The following IL20RB variants were observed in gnomAD, a reference collection of about 807,000 sequenced individuals.
The protein encoded by IL20RB is interleukin-20 receptor subunit beta.
IL20RB carries 21 observed loss-of-function variants against 33.3 expected under a neutral mutation model. The observed-to-expected ratio is 0.63, with a 90% CI of 0.45 to 0.91. The LOEUF (loss-of-function observed/expected upper bound fraction) is 0.91, where lower values mean the gene tolerates loss of function less well. IL20RB is among the 40% of genes least tolerant of loss of function. IL20RB has a pLI of 0.00. For synonymous variants in IL20RB, 147 were observed against 146.8 expected (o/e 1.00, Z -0.01); for missense variants, 345 against 384.8 (o/e 0.90, Z 0.86).
At chr3:136,987,256 A>T (rs1941924968) in intron 3 of IL20RB, among the ~76,000 whole-genome samples, 1 of 152,120 alleles carries the variant, frequency 6.6e-6, no homozygotes, top group Non-Finnish European at 1.5e-5. Context: ...ACAATCCCTG[A>T]GCTAGACACA....
chr3:136,996,893 C>T (rs772704315), intron 6 of IL20RB, among the ~76,000 whole-genome samples: 2 of 152,248 alleles, frequency 1.3e-5, no homozygotes, highest in Non-Finnish European at 1.5e-5. Context: ...TTAGCAAGAA[C>T]GTGAGGGTCT....
intron 1 of IL20RB, among the ~76,000 whole-genome samples, chr3:136,977,274 A>G (rs1941642596): frequency 1.3e-5 from 2 of 152,174 alleles, no homozygotes. Context: ...AAACTTATCT[A>G]TATTAACAAA....
At chr3:136,966,235 C>T (rs1240777664) in intron 1 of IL20RB, among the ~76,000 whole-genome samples, 1 of 134,610 alleles carries the variant, frequency 7.4e-6, no homozygotes, top group African/African-American at 3.0e-5. Flanking sequence ...AGGATTCCCT[C>T]TTTTTCTATT....
chr3:137,005,188 T>G (rs1401577850), intron 6 of IL20RB, among the ~76,000 whole-genome samples: 2 of 152,220 alleles, frequency 1.3e-5, no homozygotes, highest in African/African-American at 4.8e-5. Flanking sequence ...CTTCCATTTA[T>G]GTGGTCAATT....
At chr3:137,003,886 T>G (rs1942296829) in intron 6 of IL20RB, among the ~76,000 whole-genome samples, 1 of 152,202 alleles carries the variant, frequency 6.6e-6, no homozygotes, top group South Asian at 2.1e-4. Context: ...CAGTATGATA[T>G]TGGGTGTGGG....
chr3:137,006,673 T>C (rs1477278178), intron 6 of IL20RB, among the ~76,000 whole-genome samples: 2 of 152,314 alleles, frequency 1.3e-5, no homozygotes, highest in East Asian at 1.9e-4. Context: ...ATTTGTCTAA[T>C]CTTTTTTCAA....
At chr3:136,963,442 C>T (rs1326535028) in intron 1 of IL20RB, among the ~76,000 whole-genome samples, 7 of 152,146 alleles carry the variant, frequency 4.6e-5, no homozygotes, top group African/African-American at 1.7e-4. Context: ...TGTATCCTTG[C>T]CAGCATTTAG....
chr3:136,973,754 G>A (rs1941548464), intron 1 of IL20RB, among the ~76,000 whole-genome samples: 1 of 152,040 alleles, frequency 6.6e-6, no homozygotes, highest in Non-Finnish European at 1.5e-5. Context: ...AGTATGGGGT[G>A]CATATATATT....
intron 3 of IL20RB, chr3:136,986,656 G>A (rs754803484): frequency 3.5e-5 from 16 of 456,588 alleles, no homozygotes; most frequent in Admixed American, 2.6e-4. Context: ...TGAGGGACGC[G>A]ATGGGGAAAG....
At chr3:136,992,871 T>G (rs1942059182) in intron 5 of IL20RB, among the ~76,000 whole-genome samples, 1 of 152,222 alleles carries the variant, frequency 6.6e-6, no homozygotes, top group Non-Finnish European at 1.5e-5. Context: ...TCAGCTCATT[T>G]AGGGCATCAT....
At chr3:136,972,389 T>C (rs1379604498) in intron 1 of IL20RB, among the ~76,000 whole-genome samples, 1 of 152,220 alleles carries the variant, frequency 6.6e-6, no homozygotes, top group African/African-American at 2.4e-5. Flanking sequence ...TGATATTAAT[T>C]CTTCTTTGTA....
intron 4 of IL20RB, among the ~76,000 whole-genome samples, 165 bp from the exon 5 acceptor site, chr3:136,991,773 T>G (rs1462690483): frequency 6.6e-6 from 1 of 152,144 alleles, no homozygotes; most frequent in African/African-American, 2.4e-5. Context: ...CATGCCTGGC[T>G]AATTTTTTAT....
At chr3:136,987,547 C>T (rs972692775) in intron 3 of IL20RB, among the ~76,000 whole-genome samples, 2 of 152,260 alleles carry the variant, frequency 1.3e-5, no homozygotes, top group Admixed American at 1.3e-4. Flanking sequence ...CGCACCAGGG[C>T]TGCCGGTGGA....
At position 136,960,138 on chromosome 3, in the gene IL20RB, CTTTTTTTTTTTTTTTTTTTT is replaced by C. The variant is rs10540948; in HGVS notation, c.88+1948_88+1967del. Reference sequence around the variant, plus strand: ...ACTGGGCAGATGGGTAGAGTTGTGGCTTTTTTTTTTTTTTTTTTTTTTTTTTTTTTGACCGAGTCTCGTTC... The same window carrying C: ...ACTGGGCAGATGGGTAGAGTTGTGGCTTTTTTTTTTGACCGAGTCTCGTTC... On this transcript the variant is annotated intron_variant, in intron 1 of 6. Coordinates refer to ENST00000329582, the MANE Select transcript of IL20RB (RefSeq NM_144717.4). Among the ~76,000 whole-genome samples, 4 of 36,196 alleles carry C rather than the reference CTTTTTTTTTTTTTTTTTTTT, an allele frequency of 1.1e-4. No homozygotes were observed. In the East Asian group the frequency reaches 2.9e-3, roughly 26 times the overall value. 23.7% of individuals were successfully genotyped at this position (36,196 alleles called of 152,430 possible). A position where few individuals can be genotyped will look rare whatever the true frequency, so the allele number is the denominator to read the frequency against.
At chr3:136,986,504 T>G (rs1026767297) in intron 3 of IL20RB, among the ~76,000 whole-genome samples, 4 of 152,166 alleles carry the variant, frequency 2.6e-5, no homozygotes, top group Admixed American at 2.0e-4. Flanking sequence ...CTGAAGGTGT[T>G]TCAGAGGTAG....
chr3:136,995,768 G>C (rs548697181), intron 6 of IL20RB, among the ~76,000 whole-genome samples: 1 of 152,140 alleles, frequency 6.6e-6, no homozygotes. Context: ...CCTTCCTGAG[G>C]CAAGCCACTT....
chr3:136,958,289 A>C, intron 1 of IL20RB, 88 bp downstream of exon 1: 1 of 767,672 alleles, frequency 1.3e-6, no homozygotes, highest in South Asian at 1.5e-5. Flanking sequence ...CCTGGGGTTG[A>C]AATATGTGTA....
At chr3:136,992,455 G>A (rs764111112) in intron 5 of IL20RB, among the ~76,000 whole-genome samples, 25 of 152,224 alleles carry the variant, frequency 1.6e-4, no homozygotes, top group Non-Finnish European at 7.3e-5. Flanking sequence ...GGAAGGAGGT[G>A]CTACGTTGTA....
At chr3:137,003,900 G>T (rs1489688500) in intron 6 of IL20RB, among the ~76,000 whole-genome samples, 1 of 152,166 alleles carries the variant, frequency 6.6e-6, no homozygotes. Context: ...GTGTGGGTTT[G>T]TCATAAATAG....
Sources: gnomAD v4.1 joint callset for allele counts (sites outside exome capture counted in the v4.1 genomes callset) on GRCh38, gnomAD v4.1.1 for gene constraint, MANE v1.5 for transcripts, NCBI Gene and HGNC (gene_info 2026-07-23, HGNC 2026-07-21) for gene names.